The following PDZD2 variants were observed in gnomAD, a reference collection of about 807,000 sequenced individuals.
PDZD2 encodes the protein PDZ domain containing 2.
In PDZD2, 90 loss-of-function variants were observed where a neutral mutation model predicts 220.7. That is an observed-to-expected ratio of 0.41 (90% CI 0.34 to 0.49). PDZD2 has a LOEUF of 0.49. Ranked by LOEUF, PDZD2 falls within the 20% of genes least tolerant of loss-of-function variation. The pLI is 0.28. For missense variants in PDZD2, 3,174 were observed against 3,608.5 expected (o/e 0.88, Z 3.08); for synonymous variants, 1,375 against 1,450.5 (o/e 0.95, Z 1.18).
At chr5:31,705,851 A>G (rs1747797308) in intron 1 of PDZD2, among the ~76,000 whole-genome samples, 1 of 152,220 alleles carries the variant, frequency 6.6e-6, no homozygotes, top group Non-Finnish European at 1.5e-5. Flanking sequence ...GGAGTTCAAG[A>G]CCAGCCTGGC....
At chr5:32,025,870 G>A (rs1197295863) in intron 6 of PDZD2, among the ~76,000 whole-genome samples, 2 of 151,964 alleles carry the variant, frequency 1.3e-5, no homozygotes, top group African/African-American at 4.8e-5. Context: ...AGAGTGCTGG[G>A]ACTGCAGGCG....
chr5:31,896,142 G>GC (rs1741528920), intron 2 of PDZD2, among the ~76,000 whole-genome samples: 1 of 151,980 alleles, frequency 6.6e-6, no homozygotes, highest in African/African-American at 2.4e-5. Context: ...GACCCTCTCT[G>GC]ACACCTCCCA....
intron 2 of PDZD2, among the ~76,000 whole-genome samples, chr5:31,935,509 G>C (rs904196127): frequency 6.6e-6 from 1 of 152,174 alleles, no homozygotes; most frequent in Non-Finnish European, 1.5e-5. Context: ...GTCTACAATG[G>C]AAGTTGGAAG....
intron 1 of PDZD2, among the ~76,000 whole-genome samples, chr5:31,784,947 A>G (rs1385370369): frequency 1.3e-5 from 2 of 151,624 alleles, no homozygotes; most frequent in African/African-American, 2.4e-5. Flanking sequence ...AATGTTTTCT[A>G]GTAGTGGGGA....
chr5:31,924,863 C>T (rs1744599884), intron 2 of PDZD2, among the ~76,000 whole-genome samples: 2 of 152,318 alleles, frequency 1.3e-5, no homozygotes, highest in South Asian at 4.1e-4. Context: ...ATTCCTTCTG[C>T]CTAGTAGAGT....
intron 14 of PDZD2, among the ~76,000 whole-genome samples, chr5:32,069,306 G>A (rs12109967): frequency 0.023 from 3,425 of 151,742 alleles, 130 homozygotes; most frequent in African/African-American, 0.079. Context: ...TTTCCGGAGA[G>A]GCAGATATCA....
chr5:31,921,424 C>A (rs1561083463), intron 2 of PDZD2, among the ~76,000 whole-genome samples: 2 of 152,184 alleles, frequency 1.3e-5, no homozygotes, highest in Non-Finnish European at 2.9e-5. Context: ...TGGCTCACGC[C>A]TGTAATCCCA....
rs745783119 is a variant in PDZD2, at chr5:32,061,044, C to T, written c.2361C>T (p.Arg787=). 6 of 1,614,154 alleles carry T rather than the reference C, an allele frequency of 3.7e-6. No individual in the cohort carries two copies. Among genetic ancestry groups the T allele is most frequent in the Non-Finnish European group, 5.1e-6 (6 of 1,179,986 alleles). ...TGGAAGTGAACTCCGTCAACGTCCGCCATGCTGCTTTAAGCAAAGTCCACG... is the reference window on the plus strand; with the variant it reads ...TGGAAGTGAACTCCGTCAACGTCCGTCATGCTGCTTTAAGCAAAGTCCACG... ...QILEVNSVNV[R]HAALSKVHAI... The change falls in exon 14 of 25, where the codon CGC becomes CGT. Residue 787 remains arginine, a synonymous_variant. Coordinates refer to ENST00000438447, the MANE Select transcript of PDZD2 (RefSeq NM_178140.4).
At chr5:31,791,441 T>A (rs550334282) in intron 1 of PDZD2, among the ~76,000 whole-genome samples, 1 of 151,876 alleles carries the variant, frequency 6.6e-6, no homozygotes, top group African/African-American at 2.4e-5. Context: ...AAATACAAAA[T>A]TAGCCAAGTG....
At chr5:31,664,038 G>A (rs555783472) in intron 1 of PDZD2, among the ~76,000 whole-genome samples, 7 of 152,144 alleles carry the variant, frequency 4.6e-5, no homozygotes, top group South Asian at 2.1e-4. Context: ...TTTACTAGGC[G>A]GTGATGATAT....
chr5:31,810,855 A>G (rs1755070013), intron 2 of PDZD2, among the ~76,000 whole-genome samples: 1 of 152,248 alleles, frequency 6.6e-6, no homozygotes, highest in Non-Finnish European at 1.5e-5. Flanking sequence ...TGTAAAATGA[A>G]ACAAAGCTTG....
intron 5 of PDZD2, among the ~76,000 whole-genome samples, chr5:32,008,051 A>T (rs1752976371): frequency 6.6e-6 from 1 of 152,008 alleles, no homozygotes; most frequent in African/African-American, 2.4e-5. Flanking sequence ...ACACTTCGGG[A>T]GGCTGAGATG....
At chr5:31,967,106 C>T (rs1748830059) in intron 2 of PDZD2, among the ~76,000 whole-genome samples, 1 of 152,220 alleles carries the variant, frequency 6.6e-6, no homozygotes, top group African/African-American at 2.4e-5. Context: ...TGAAACCAGG[C>T]TTGGCACAAG....
intron 2 of PDZD2, among the ~76,000 whole-genome samples, chr5:31,844,661 T>G (rs1006185476): frequency 4.6e-5 from 7 of 152,292 alleles, no homozygotes; most frequent in Non-Finnish European, 1.0e-4. Flanking sequence ...TCTGGCAGTG[T>G]TAGTATAAAC....
intron 2 of PDZD2, among the ~76,000 whole-genome samples, chr5:31,818,163 G>C (rs368020710): frequency 6.6e-6 from 1 of 151,672 alleles, no homozygotes; most frequent in African/African-American, 2.4e-5. Flanking sequence ...TTAGAGATGG[G>C]GTTTCGCTAT....
At chr5:31,707,815 C>CA (rs1439424332) in intron 1 of PDZD2, among the ~76,000 whole-genome samples, 1 of 152,060 alleles carries the variant, frequency 6.6e-6, no homozygotes, top group African/African-American at 2.4e-5. Flanking sequence ...TTTTTAGAGA[C>CA]AAGAGTTTCC....
At chr5:31,644,216 C>T (rs936941159) in intron 1 of PDZD2, among the ~76,000 whole-genome samples, 2 of 152,136 alleles carry the variant, frequency 1.3e-5, no homozygotes, top group Non-Finnish European at 2.9e-5. Context: ...TAGATTTGGA[C>T]CTATGCATCG....
At chr5:31,997,377 T>C (rs1359956822) in intron 4 of PDZD2, among the ~76,000 whole-genome samples, 1 of 152,180 alleles carries the variant, frequency 6.6e-6, no homozygotes, top group East Asian at 1.9e-4. Context: ...TTTATGCTCA[T>C]CAGTTCTTTT....
intron 1 of PDZD2, among the ~76,000 whole-genome samples, chr5:31,657,889 G>A (rs1380886296): frequency 1.3e-5 from 2 of 152,154 alleles, no homozygotes; most frequent in Admixed American, 6.5e-5. Flanking sequence ...GATAATAGCT[G>A]CCTTCCAAGT....
Sources: gnomAD v4.1 joint callset for allele counts (sites outside exome capture counted in the v4.1 genomes callset) on GRCh38, gnomAD v4.1.1 for gene constraint, MANE v1.5 for transcripts, NCBI Gene and HGNC (gene_info 2026-07-23, HGNC 2026-07-21) for gene names.